DYSF: variants seen among roughly 807,000 people sequenced by gnomAD.
DYSF encodes the protein dystrophy-associated fer-1-like 1.
A neutral mutation model predicts 274.9 loss-of-function variants in DYSF; 212 were observed. That is an observed-to-expected ratio of 0.77 (90% confidence interval 0.69 to 0.86). The LOEUF (loss-of-function observed/expected upper bound fraction) is 0.86. Among genes scored for constraint, DYSF ranks in the 40% least tolerant of loss-of-function variants. The probability of loss-of-function intolerance (pLI) is 0.00; values close to 1 mark genes in which losing one functional copy is unlikely to be tolerated. For missense variants in DYSF, 2,666 were observed against 2,783.2 expected (o/e 0.96, Z 0.95); for synonymous variants, 1,091 against 1,078.7 (o/e 1.01, Z -0.22).
At chr2:71,490,430 C>T (rs1215892757) in intron 3 of DYSF, among the ~76,000 whole-genome samples, 1 of 152,144 alleles carries the variant, frequency 6.6e-6, no homozygotes, top group Non-Finnish European at 1.5e-5. Context: ...ACCTCCGCCT[C>T]CCGGGTTCAA....
At chr2:71,490,214 T>C (rs1309910307) in intron 3 of DYSF, among the ~76,000 whole-genome samples, 2 of 152,214 alleles carry the variant, frequency 1.3e-5, no homozygotes, top group East Asian at 3.8e-4. Flanking sequence ...AAGTAATTTT[T>C]ATAAGTATAA....
chr2:71,664,701 C>T (rs1207252853), intron 46 of DYSF, among the ~76,000 whole-genome samples: 1 of 152,166 alleles, frequency 6.6e-6, no homozygotes, highest in African/African-American at 2.4e-5. Flanking sequence ...ATCCAGTTAT[C>T]TGTAATGCAC....
At chr2:71,665,375 G>A in intron 47 of DYSF, 71 bp downstream of exon 47, 2 of 1,605,262 alleles carry the variant, frequency 1.2e-6, no homozygotes, top group Non-Finnish European at 1.7e-6. Flanking sequence ...CAGACCCTCT[G>A]CTACCATAAA....
At chr2:71,554,903 C>G (rs185496028) in intron 21 of DYSF, among the ~76,000 whole-genome samples, 1 of 152,046 alleles carries the variant, frequency 6.6e-6, no homozygotes, top group African/African-American at 2.4e-5. Context: ...AGCTGATGGT[C>G]CTGGCAGTGG....
intron 4 of DYSF, among the ~76,000 whole-genome samples, chr2:71,506,619 C>G (rs1242482768): frequency 6.6e-6 from 1 of 152,096 alleles, no homozygotes; most frequent in African/African-American, 2.4e-5. Flanking sequence ...CATATATCCC[C>G]CAGGAAGAAA....
intron 41 of DYSF, among the ~76,000 whole-genome samples, chr2:71,634,794 C>T (rs959553491): frequency 4.6e-5 from 7 of 152,124 alleles, no homozygotes; most frequent in African/African-American, 1.4e-4. Context: ...GGGAGGAAGT[C>T]CTGGTCACCA....
At position 71,658,896 on chromosome 2, in the gene DYSF, C is replaced by A. The variant is rs1406317660; in HGVS notation, c.4774C>A (p.Pro1592Thr). 2 of 1,614,104 alleles carry A rather than the reference C, an allele frequency of 1.2e-6. No homozygotes were observed. The highest frequency in any genetic ancestry group is 1.7e-6 in the Non-Finnish European group (2 of 1,180,004). The change falls in exon 44 of 56, where the codon CCC becomes ACC. Residue 1592 changes from proline (P) to threonine (T), a missense_variant. By Grantham distance (38) the Pro-to-Thr change is conservative (BLOSUM62 -1). Transcript: ENST00000410020. ...GEFKGLFKIY[P>T]LPEDPAIPMP... The stretch of plus-strand genomic sequence containing the variant: ...TTTTCAGGGCCTCTTCAAAATTTAT[C>A]CCCTCCCAGAAGACCCAGCCATCCC...
intron 1 of DYSF, among the ~76,000 whole-genome samples, chr2:71,471,986 TA>T (rs946847146): frequency 4.5e-4 from 69 of 151,650 alleles, no homozygotes; most frequent in Non-Finnish European, 3.7e-4. Context: ...ATTAATTAAT[TA>T]AAAAAAAATC....
intron 30 of DYSF, among the ~76,000 whole-genome samples, chr2:71,581,564 C>A (rs2092900439): frequency 6.6e-6 from 1 of 152,216 alleles, no homozygotes; most frequent in Admixed American, 6.5e-5. Flanking sequence ...ACAGCCCTGA[C>A]TTGGCATTCA....
At chr2:71,542,358 T>C (rs1559115604) in intron 17 of DYSF, among the ~76,000 whole-genome samples, 2 of 149,912 alleles carry the variant, frequency 1.3e-5, no homozygotes, top group Admixed American at 6.7e-5. Flanking sequence ...ATTGCATTTG[T>C]AGTTTCTTGT....
chr2:71,659,156 C>A (rs1280821337), intron 44 of DYSF, 123 bp downstream of exon 44: 49 of 1,343,268 alleles, frequency 3.6e-5, no homozygotes, highest in Non-Finnish European at 4.9e-5. Context: ...GACAAACACA[C>A]AAAACTGAGA....
chr2:71,584,335 C>G (rs1437773939), intron 30 of DYSF, among the ~76,000 whole-genome samples: 1 of 152,158 alleles, frequency 6.6e-6, no homozygotes, highest in East Asian at 1.9e-4. Context: ...CCTCTAGGCT[C>G]CAGTGTGCTG....
intron 1 of DYSF, among the ~76,000 whole-genome samples, chr2:71,470,110 G>T (rs2081871890): frequency 6.6e-6 from 1 of 152,164 alleles, no homozygotes; most frequent in Admixed American, 6.5e-5. Flanking sequence ...TGTGTCATCA[G>T]CCAGGAACCC....
chr2:71,503,722 C>T (rs1404493686), intron 4 of DYSF, among the ~76,000 whole-genome samples: 1 of 152,140 alleles, frequency 6.6e-6, no homozygotes, highest in South Asian at 2.1e-4. Context: ...CCATCTGGGT[C>T]ACAGGGCATG....
Position 71,561,880 on chromosome 2 carries a change from A to G in DYSF, c.2345A>G (p.Glu782Gly). The change falls in exon 23 of 56, where the codon GAG (glutamate) becomes GGG (glycine). Residue 782 changes from glutamate to glycine, a missense_variant. This residue lies in a region of DYSF where 412 missense variants were observed against 504.0 expected (regional missense o/e 0.82). Transcript: ENST00000410020. ...CTGGCCCTGAAGCTCGGCCACAGTG[A>G]GCTCCCTGCAGCTCTGGAGCAGGCG... Reference protein sequence around the residue: ...AALALKLGHSELPAALEQAED... With the variant: ...AALALKLGHSGLPAALEQAED... 6.2e-7 allele frequency: 1 copy of G among 1,613,980 alleles called. No homozygotes were observed. The highest frequency in any genetic ancestry group is 8.5e-7 in the Non-Finnish European group (1 of 1,179,988).
At chr2:71,571,864 C>T (rs549732912) in intron 29 of DYSF, among the ~76,000 whole-genome samples, 1 of 143,046 alleles carries the variant, frequency 7.0e-6, no homozygotes, top group East Asian at 2.2e-4. Flanking sequence ...CCACCACACA[C>T]AGATCACACC....
chr2:71,619,385 AG>A (rs2094034637), intron 40 of DYSF, among the ~76,000 whole-genome samples: 1 of 152,050 alleles, frequency 6.6e-6, no homozygotes, highest in Non-Finnish European at 1.5e-5. Flanking sequence ...AACAGCCCTG[AG>A]GGGCCCCTCA....
chr2:71,565,501 G>T (rs538378866), intron 24 of DYSF, among the ~76,000 whole-genome samples: 2 of 152,104 alleles, frequency 1.3e-5, no homozygotes, highest in Admixed American at 1.3e-4. Flanking sequence ...GCCCCTCCAC[G>T]CTGGACCTTC....
At chr2:71,643,132 C>T (rs1460597102) in intron 41 of DYSF, among the ~76,000 whole-genome samples, 1 of 152,002 alleles carries the variant, frequency 6.6e-6, no homozygotes, top group African/African-American at 2.4e-5. Flanking sequence ...GATAGGACAC[C>T]CCACCTGCCG....
Sources: gnomAD v4.1 joint callset for allele counts (sites outside exome capture counted in the v4.1 genomes callset) on GRCh38, gnomAD v4.1.1 for gene constraint, gnomAD v4.1.1 regional missense constraint, MANE v1.5 for transcripts, NCBI Gene and HGNC (gene_info 2026-07-23, HGNC 2026-07-21) for gene names.